The following MATN2 variants were observed in gnomAD, a reference collection of about 807,000 sequenced individuals.
MATN2 encodes matrilin 2, also known as matrilin-2.
In MATN2, 69 loss-of-function variants were observed where a neutral mutation model predicts 103.2. The observed-to-expected ratio is 0.67, with a 90% CI of 0.55 to 0.82. The LOEUF is 0.82. Ranked by LOEUF, MATN2 falls within the 40% of genes least tolerant of loss-of-function variation. The pLI is 0.00. For missense variants in MATN2, 1,023 were observed against 1,211.5 expected (o/e 0.84, Z 2.31); for synonymous variants, 429 against 450.2 (o/e 0.95, Z 0.60).
At chr8:98,024,009 G>A (rs1813695036) in intron 13 of MATN2, among the ~76,000 whole-genome samples, 1 of 152,132 alleles carries the variant, frequency 6.6e-6, no homozygotes, top group Non-Finnish European at 1.5e-5. Context: ...ATGGACACAG[G>A]GAGGGGAACA....
chr8:97,876,236 C>T (rs183123812), intron 1 of MATN2, among the ~76,000 whole-genome samples: 3,213 of 145,468 alleles, frequency 0.022, 47 homozygotes, highest in Non-Finnish European at 0.032. Context: ...GTCACCCAGG[C>T]TGGAGTGCAA....
rs767932198 is a variant in MATN2 at position 98,027,551 on chromosome 8, G to A, written c.2078G>A (p.Arg693Gln). 7.8e-5 allele frequency: 126 copies of A among 1,613,798 alleles called. No individual in the cohort carries two copies. In the Middle Eastern group the frequency reaches 1.2e-3, roughly 15 times the overall value. ...TTGACAATTTCCCCCAAAGCCGCTC[G>A]AGTGGGGCTGCTCCAGTATTCCACA... ...DSLTISPKAARVGLLQYSTQV... is the reference protein window; with the variant it reads ...DSLTISPKAAQVGLLQYSTQV... The change falls in exon 14 of 19, where the codon CGA (arginine) becomes CAA (glutamine). Residue 693 changes from arginine (R) to glutamine (Q), a missense_variant. Transcript: ENST00000254898.
intron 4 of MATN2, among the ~76,000 whole-genome samples, chr8:97,958,939 C>T (rs570306248): frequency 6.6e-6 from 1 of 152,266 alleles, no homozygotes; most frequent in African/African-American, 2.4e-5. Flanking sequence ...ATTCAGCTGC[C>T]ACGCCTCTCC....
chr8:97,967,831 G>A lies in MATN2; in HGVS notation c.958+6301G>A, dbSNP rs145366471. Reference sequence around the variant, plus strand: ...TGGCCCCCTTCTCACAGCTCCACTAGGCAGTGCCCCAGTAGGGACTCTGTA... The same window carrying A: ...TGGCCCCCTTCTCACAGCTCCACTAAGCAGTGCCCCAGTAGGGACTCTGTA... On this transcript the variant is annotated intron_variant, in intron 5 of 18. Transcript: ENST00000254898. Among the ~76,000 whole-genome samples, 26 of 152,348 alleles carry A rather than the reference G, an allele frequency of 1.7e-4. No individual in the cohort carries two copies. In the East Asian group the frequency reaches 4.4e-3, roughly 26 times the overall value.
At chr8:97,929,229 G>T (rs1403437917) in intron 2 of MATN2, among the ~76,000 whole-genome samples, 5 of 152,220 alleles carry the variant, frequency 3.3e-5, no homozygotes, top group Non-Finnish European at 7.3e-5. Flanking sequence ...AGCCTGGCAA[G>T]CTGGCCTGGA....
At chr8:97,909,786 C>CTTT (rs763916849) in intron 2 of MATN2, among the ~76,000 whole-genome samples, 9 of 143,700 alleles carry the variant, frequency 6.3e-5, no homozygotes, top group Non-Finnish European at 1.2e-4. Context: ...CATGATTTCA[C>CTTT]TTTTTTTTTT....
intron 1 of MATN2, among the ~76,000 whole-genome samples, chr8:97,880,307 G>A (rs1169943721): frequency 2.6e-5 from 4 of 152,050 alleles, no homozygotes; most frequent in Non-Finnish European, 5.9e-5. Context: ...TAAAGAATAT[G>A]TGTAAGCAGA....
At chr8:97,966,836 A>C (rs1811498083) in intron 5 of MATN2, among the ~76,000 whole-genome samples, 1 of 152,156 alleles carries the variant, frequency 6.6e-6, no homozygotes, top group Admixed American at 6.5e-5. Flanking sequence ...TGAAATCCCA[A>C]CTCTGCTACT....
At chr8:98,031,742 A>G (rs912585476) in intron 15 of MATN2, 9 of 152,222 alleles carry the variant, frequency 5.9e-5, no homozygotes, top group Non-Finnish European at 8.8e-5. Flanking sequence ...AGTTCTGCCT[A>G]TTTTTCCTTG....
At chr8:97,945,258 T>G (rs1563683527) in intron 4 of MATN2, among the ~76,000 whole-genome samples, 1 of 152,204 alleles carries the variant, frequency 6.6e-6, no homozygotes, top group Non-Finnish European at 1.5e-5. Flanking sequence ...CTGAGTGTTT[T>G]ATATCTGCTG....
intron 7 of MATN2, among the ~76,000 whole-genome samples, chr8:98,000,929 G>A (rs1466098218): frequency 6.6e-6 from 1 of 152,162 alleles, no homozygotes; most frequent in Non-Finnish European, 1.5e-5. Context: ...TCATCTACGA[G>A]GTCACAAAAG....
chr8:97,959,659 T>C (rs1384088337), intron 4 of MATN2, among the ~76,000 whole-genome samples: 1 of 152,218 alleles, frequency 6.6e-6, no homozygotes, highest in Non-Finnish European at 1.5e-5. Context: ...AAACTTCTTT[T>C]AGGAGTTTAA....
rs554183298 is a variant in MATN2 at position 97,909,171 on chromosome 8, G to A, written c.142+20929G>A. Among the ~76,000 whole-genome samples, 4 of 152,232 alleles carry A rather than the reference G, an allele frequency of 2.6e-5. No homozygotes were observed. The South Asian group carries it at 8.3e-4, about 32-fold the overall frequency. ...TGGTCTCAAACTCCTCAACTCAAGC[G>A]ATCCACCTACCTTGGCCTCCCAAAT... is the stretch of plus-strand genomic sequence containing the variant. On this transcript the variant is annotated intron_variant, in intron 2 of 18. Transcript: ENST00000254898.
intron 4 of MATN2, among the ~76,000 whole-genome samples, chr8:97,954,077 ACT>A (rs1811058430): frequency 6.6e-6 from 1 of 152,152 alleles, no homozygotes; most frequent in Admixed American, 6.5e-5. Context: ...TTTTATGAAA[ACT>A]GAATCTCTCA....
intron 13 of MATN2, among the ~76,000 whole-genome samples, chr8:98,023,430 G>A (rs1377003893): frequency 6.6e-6 from 1 of 152,160 alleles, no homozygotes. Flanking sequence ...CAGCACCTTG[G>A]GAAGCTGTGG....
Position 98,027,529 on chromosome 8 carries a change from A to G in MATN2, c.2056A>G (p.Thr686Ala). The G allele has an allele frequency of 6.2e-7, 1 of 1,613,948 alleles. No homozygotes were observed. Among genetic ancestry groups the G allele is most frequent in the East Asian group, 2.2e-5 (1 of 44,856 alleles). Reference protein sequence around the residue: ...QFVTGIIDSLTISPKAARVGL... With the variant: ...QFVTGIIDSLAISPKAARVGL... ...TGTCACTGGAATTATAGATTCCTTG[A>G]CAATTTCCCCCAAAGCCGCTCGAGT... is the stretch of plus-strand genomic sequence containing the variant. The change falls in exon 14 of 19, where the codon ACA (threonine) becomes GCA (alanine). Residue 686 changes from threonine to alanine, a missense_variant. Physicochemically the swap from Thr to Ala is moderately conservative, Grantham distance 58 (BLOSUM62 0). Transcript: ENST00000254898.
chr8:97,921,865 A>G (rs2444905), intron 2 of MATN2, among the ~76,000 whole-genome samples: 129,979 of 152,154 alleles, frequency 0.85, 55,727 homozygotes, highest in African/African-American at 0.93. Flanking sequence ...GGGTTCCCAA[A>G]CCCCATGCTG....
At chr8:97,927,448 C>G (rs886292571) in intron 2 of MATN2, among the ~76,000 whole-genome samples, 1 of 152,200 alleles carries the variant, frequency 6.6e-6, no homozygotes. Context: ...GCATGAGCCA[C>G]TGTGCATTTG....
At chr8:98,032,926 C>A in intron 16 of MATN2, 116 bp from the exon 17 acceptor site, 7 of 906,004 alleles carry the variant, frequency 7.7e-6, no homozygotes, top group Non-Finnish European at 1.1e-5. Context: ...TCAGTATGTC[C>A]CAAAGTAAAG....
Sources: allele counts gnomAD v4.1 joint callset (sites outside exome capture counted in the v4.1 genomes callset), GRCh38; gene constraint gnomAD v4.1.1; transcripts MANE v1.5; gene names NCBI Gene and HGNC (gene_info 2026-07-23, HGNC 2026-07-21).